The following KCNH7 variants were observed in gnomAD, a reference collection of about 807,000 sequenced individuals.
KCNH7 encodes voltage-gated inwardly rectifying potassium channel KCNH7.
In KCNH7, 49 loss-of-function variants were observed where a neutral mutation model predicts 120.8. The observed-to-expected ratio is 0.41, with a 90% CI of 0.32 to 0.51. KCNH7 has a LOEUF of 0.51. Ranked by LOEUF, KCNH7 falls within the 20% of genes least tolerant of loss-of-function variation. KCNH7 has a pLI of 0.38. For missense variants in KCNH7, 1,097 were observed against 1,446.6 expected (o/e 0.76, Z 3.92); for synonymous variants, 547 against 516.1 (o/e 1.06, Z -0.81).
intron 2 of KCNH7, among the ~76,000 whole-genome samples, chr2:162,591,350 A>G (rs1180064815): frequency 6.6e-6 from 1 of 152,062 alleles, no homozygotes; most frequent in Non-Finnish European, 1.5e-5. Flanking sequence ...TGTGCCCAGC[A>G]TATTACAAGC....
intron 2 of KCNH7, among the ~76,000 whole-genome samples, chr2:162,821,259 C>T (rs1404903666): frequency 2.0e-5 from 3 of 152,200 alleles, no homozygotes; most frequent in African/African-American, 7.2e-5. Context: ...TAGTCCATTG[C>T]TGTGCTCATG....
intron 9 of KCNH7, among the ~76,000 whole-genome samples, chr2:162,415,538 A>G (rs9287818): frequency 0.16 from 24,317 of 152,106 alleles, 5,264 homozygotes; most frequent in African/African-American, 0.48. Context: ...ATAATTTACA[A>G]TGATTCTATA....
At chr2:162,592,603 T>C (rs1694245643) in intron 2 of KCNH7, among the ~76,000 whole-genome samples, 1 of 151,942 alleles carries the variant, frequency 6.6e-6, no homozygotes, top group Admixed American at 6.6e-5. Context: ...GCTGAAAAAA[T>C]TGGCTGCAGC....
At chr2:162,645,702 A>T (rs564681831) in intron 2 of KCNH7, among the ~76,000 whole-genome samples, 1 of 152,124 alleles carries the variant, frequency 6.6e-6, no homozygotes, top group East Asian at 1.9e-4. Flanking sequence ...GCAAAAGAGG[A>T]TAAGTCAATT....
At chr2:162,563,736 A>G (rs544693972) in intron 2 of KCNH7, among the ~76,000 whole-genome samples, 1 of 152,260 alleles carries the variant, frequency 6.6e-6, no homozygotes, top group South Asian at 2.1e-4. Flanking sequence ...ATGAAATCCT[A>G]CTAGATATTA....
intron 6 of KCNH7, among the ~76,000 whole-genome samples, chr2:162,452,970 C>T (rs531222546): frequency 6.7e-4 from 102 of 152,070 alleles, no homozygotes; most frequent in African/African-American, 2.1e-3. Flanking sequence ...ACTTTAAGTT[C>T]CAGGATACAT....
intron 3 of KCNH7, 140 bp from the exon 4 acceptor site, chr2:162,518,298 G>T: frequency 1.6e-6 from 1 of 637,506 alleles, no homozygotes; most frequent in Non-Finnish European, 2.6e-6. Flanking sequence ...AGAGGATATT[G>T]TAGAAAACTT....
chr2:162,769,969 G>C (rs1682981210), intron 2 of KCNH7, among the ~76,000 whole-genome samples: 1 of 152,094 alleles, frequency 6.6e-6, no homozygotes, highest in Admixed American at 6.6e-5. Context: ...CAATACAAAA[G>C]CAAAGTGATG....
intron 9 of KCNH7, among the ~76,000 whole-genome samples, chr2:162,404,045 G>T (rs577685393): frequency 6.6e-6 from 1 of 151,970 alleles, no homozygotes; most frequent in Middle Eastern, 3.4e-3. Context: ...TGTTTTCAGG[G>T]TTGGTTCCCT....
At chr2:162,439,001 C>A (rs752758979) in intron 7 of KCNH7, among the ~76,000 whole-genome samples, 24 of 152,156 alleles carry the variant, frequency 1.6e-4, no homozygotes, top group Non-Finnish European at 1.8e-4. Flanking sequence ...TTTATGTTAC[C>A]TGCAAGTGAA....
intron 2 of KCNH7, among the ~76,000 whole-genome samples, chr2:162,586,693 G>A (rs1227436644): frequency 7.0e-6 from 1 of 143,756 alleles, no homozygotes; most frequent in Non-Finnish European, 1.5e-5. Flanking sequence ...TTTTCTCCTA[G>A]AAATACAATG....
chr2:162,527,038 G>C (rs534241141), intron 3 of KCNH7, among the ~76,000 whole-genome samples: 1 of 151,862 alleles, frequency 6.6e-6, no homozygotes, highest in Non-Finnish European at 1.5e-5. Flanking sequence ...CCCTCCGTTC[G>C]GGGTCCCTGA....
intron 6 of KCNH7, among the ~76,000 whole-genome samples, chr2:162,484,795 C>A (rs1285578906): frequency 6.6e-6 from 1 of 152,070 alleles, no homozygotes; most frequent in Non-Finnish European, 1.5e-5. Context: ...TAAAAAGATC[C>A]TGGCACCTCC....
At chr2:162,780,783 G>C (rs189173937) in intron 2 of KCNH7, among the ~76,000 whole-genome samples, 1 of 152,130 alleles carries the variant, frequency 6.6e-6, no homozygotes, top group African/African-American at 2.4e-5. Context: ...GAGATTTCTT[G>C]CAGTAGACAT....
chr2:162,698,368 C>T (rs1686368535), intron 2 of KCNH7, among the ~76,000 whole-genome samples: 1 of 151,390 alleles, frequency 6.6e-6, no homozygotes, highest in African/African-American at 2.4e-5. Context: ...GCCTGTGACT[C>T]TTTTCTCTGG....
intron 6 of KCNH7, among the ~76,000 whole-genome samples, chr2:162,477,139 G>T (rs1278727172): frequency 6.6e-6 from 1 of 152,150 alleles, no homozygotes; most frequent in African/African-American, 2.4e-5. Context: ...TAAAATTCTT[G>T]CCTAGCAGTA....
At chr2:162,478,561 T>C (rs1434575175) in intron 6 of KCNH7, among the ~76,000 whole-genome samples, 1 of 152,170 alleles carries the variant, frequency 6.6e-6, no homozygotes, top group Non-Finnish European at 1.5e-5. Context: ...ATTTCCCTCA[T>C]TCATTTTGCA....
intron 6 of KCNH7, among the ~76,000 whole-genome samples, chr2:162,453,006 T>A (rs1185261925): frequency 1.3e-5 from 2 of 152,118 alleles, no homozygotes; most frequent in Admixed American, 6.6e-5. Context: ...GTTTGTTACA[T>A]AGGTATACAT....
chr2:162,502,836 T>G (rs1690730195), intron 6 of KCNH7, among the ~76,000 whole-genome samples: 1 of 152,002 alleles, frequency 6.6e-6, no homozygotes, highest in Non-Finnish European at 1.5e-5. Flanking sequence ...GTGGCCTCTG[T>G]GGTGGACCAA....
Sources: allele counts gnomAD v4.1 joint callset (sites outside exome capture counted in the v4.1 genomes callset), GRCh38; gene constraint gnomAD v4.1.1; transcripts MANE v1.5; gene names NCBI Gene and HGNC (gene_info 2026-07-23, HGNC 2026-07-21).